Variants in TBC1D15 observed in about 807,000 individuals in gnomAD.
The protein encoded by TBC1D15 is GAP for RAB7.
Under a neutral mutation model 95.4 loss-of-function variants are expected in TBC1D15, and 39 were observed. The ratio of observed to expected loss-of-function variants is 0.41; its 90% CI spans 0.32 to 0.53. The LOEUF is 0.53. TBC1D15 is among the 20% of genes least tolerant of loss of function. The pLI is 0.29. For missense variants in TBC1D15, 733 were observed against 794.3 expected (o/e 0.92, Z 0.93); for synonymous variants, 258 against 261.3 (o/e 0.99, Z 0.12).
intron 10 of TBC1D15, among the ~76,000 whole-genome samples, chr12:71,901,811 C>G (rs1899453658): frequency 6.6e-6 from 1 of 152,248 alleles, no homozygotes; most frequent in East Asian, 1.9e-4. Context: ...CCTCTCTTCA[C>G]AGGCAATATG....
chr12:71,923,243 C>T lies in TBC1D15; in HGVS notation c.*39C>T. On this transcript the variant is annotated 3_prime_UTR_variant, in exon 17 of 17. Transcript: ENST00000485960. ...TTTTTTGGGAAGAGACACTTTGTTGCAACCCTTTTTCAAGTACTTGAAAGT... is the reference window on the plus strand; with the variant it reads ...TTTTTTGGGAAGAGACACTTTGTTGTAACCCTTTTTCAAGTACTTGAAAGT... 2.5e-6 allele frequency: 4 copies of T among 1,593,762 alleles called. No individual in the cohort carries two copies. The highest frequency in any genetic ancestry group is 1.7e-5 in the Admixed American group (1 of 59,640).
At chr12:71,861,486 G>A (rs753565674) in intron 1 of TBC1D15, 6 of 1,536,792 alleles carry the variant, frequency 3.9e-6, no homozygotes, top group Non-Finnish European at 5.3e-6. Context: ...TTGGAGTATG[G>A]TAGGAGTATG....
chr12:71,884,815 T>G lies in TBC1D15; in HGVS notation c.348T>G (p.Ala116=). The G allele has an allele frequency of 6.2e-7, 1 of 1,613,920 alleles. No individual in the cohort carries two copies. The highest frequency in any genetic ancestry group is 1.1e-5 in the South Asian group (1 of 91,060). ...FKRKPHTNGD[A]PSHRNGKSKW... ...CCCCACTTTCTTGTTTTTAAGATGC[T>G]CCAAGTCATAGAAATGGGAAAAGCA... is the stretch of plus-strand genomic sequence containing the variant. Residue 116 remains alanine, a synonymous_variant, in exon 5 of 17, where the codon GCT becomes GCG. Coordinates refer to ENST00000485960, the MANE Select transcript of TBC1D15 (RefSeq NM_001146213.3).
At chr12:71,899,373 G>A (rs139632751) in intron 10 of TBC1D15, among the ~76,000 whole-genome samples, 72 of 152,212 alleles carry the variant, frequency 4.7e-4, no homozygotes, top group African/African-American at 1.7e-3. Context: ...CATCTATCTC[G>A]TTAGTTTTAT....
chr12:71,842,830 C>CAAAAAAAAAAA (rs58842371), intron 1 of TBC1D15, among the ~76,000 whole-genome samples: 5 of 84,718 alleles, frequency 5.9e-5, no homozygotes, highest in East Asian at 3.0e-4. Flanking sequence ...GACCCTGTCT[C>CAAAAAAAAAAA]AAAAAAAAAA....
Position 71,896,744 on chromosome 12 carries a change from C to A in TBC1D15, c.1052C>A (p.Thr351Asn). ...FLLGYFPWDSTKEERTQLQKQ... is the reference protein window; with the variant it reads ...FLLGYFPWDSNKEERTQLQKQ... ...CTGGGTTATTTTCCCTGGGACAGTACCAAGGAGGAAAGAACCCAATTACAA... is the reference window on the plus strand; with the variant it reads ...CTGGGTTATTTTCCCTGGGACAGTAACAAGGAGGAAAGAACCCAATTACAA... The change falls in exon 9 of 17, where the codon ACC becomes AAC. Residue 351 changes from threonine (T) to asparagine (N), a missense_variant. Thr to Asn is a moderately conservative substitution (Grantham distance 65). Coordinates refer to ENST00000485960, the MANE Select transcript of TBC1D15 (RefSeq NM_001146213.3). 6.2e-7 allele frequency: 1 copy of A among 1,612,180 alleles called. No individual in the cohort carries two copies. The highest frequency in any genetic ancestry group is 1.7e-4 in the Middle Eastern group (1 of 6,046).
intron 1 of TBC1D15, chr12:71,861,494 A>G (rs1317492912): frequency 3.9e-6 from 6 of 1,534,706 alleles, no homozygotes; most frequent in South Asian, 2.5e-5. Flanking sequence ...TGGTAGGAGT[A>G]TGGTAGGTAG....
intron 1 of TBC1D15, among the ~76,000 whole-genome samples, chr12:71,862,871 C>T (rs1367401966): frequency 6.6e-6 from 1 of 151,922 alleles, no homozygotes; most frequent in Non-Finnish European, 1.5e-5. Context: ...TTTTTTCCTT[C>T]CAGATATAGG....
chr12:71,908,767 C>A (rs1901447640), intron 11 of TBC1D15, among the ~76,000 whole-genome samples: 1 of 152,100 alleles, frequency 6.6e-6, no homozygotes, highest in Non-Finnish European at 1.5e-5. Context: ...ATTTTTAATT[C>A]TCGTAGCAGC....
chr12:71,870,214 A>T (rs1892373115), intron 1 of TBC1D15, among the ~76,000 whole-genome samples: 1 of 152,136 alleles, frequency 6.6e-6, no homozygotes. Context: ...CTATTTGTGA[A>T]TATTTAGATG....
chr12:71,869,175 G>A (rs1039729431), intron 1 of TBC1D15, among the ~76,000 whole-genome samples: 1 of 151,994 alleles, frequency 6.6e-6, no homozygotes, highest in Admixed American at 6.6e-5. Flanking sequence ...AAGCAGATAC[G>A]GAAGGAAAAA....
chr12:71,850,050 C>A, intron 1 of TBC1D15: 1 of 520,448 alleles, frequency 1.9e-6, no homozygotes, highest in South Asian at 1.7e-5. Context: ...AAGAGAGTTC[C>A]CGGAACAGCC....
Position 71,897,923 on chromosome 12 carries a change from G to A in TBC1D15, c.1165G>A (p.Asp389Asn). 1 of 1,612,234 alleles carries A rather than the reference G, an allele frequency of 6.2e-7. No individual in the cohort carries two copies. Among genetic ancestry groups the A allele is most frequent in the Non-Finnish European group, 8.5e-7 (1 of 1,178,770 alleles). Reference sequence around the variant, plus strand: ...AGAGAAAAGAAATTCGAGGTTAAGAGATTATAGAAGTCTTATCGGTAATTT... The same window carrying A: ...AGAGAAAAGAAATTCGAGGTTAAGAAATTATAGAAGTCTTATCGGTAATTT... ...EQEKRNSRLR[D>N]YRSLIEKDVN... Residue 389 changes from aspartate to asparagine, a missense_variant, in exon 10 of 17, where the codon GAT (aspartate) becomes AAT (asparagine). Asp to Asn is a conservative substitution (Grantham distance 23). Transcript: ENST00000485960.
intron 1 of TBC1D15, among the ~76,000 whole-genome samples, chr12:71,842,481 A>G (rs1885258589): frequency 6.6e-6 from 1 of 152,144 alleles, no homozygotes; most frequent in Non-Finnish European, 1.5e-5. Context: ...TCTGCCCCTA[A>G]CATAGATTCT....
At chr12:71,892,374 A>G (rs1421911394) in intron 5 of TBC1D15, among the ~76,000 whole-genome samples, 1 of 152,084 alleles carries the variant, frequency 6.6e-6, no homozygotes, top group Non-Finnish European at 1.5e-5. Flanking sequence ...AAACATTTAT[A>G]ATAAACAGGA....
In TBC1D15 at chr12:71,881,773, C is replaced by T. The variant is rs1025720328; in HGVS notation, c.343+1166C>T. ...TCTACTAAAACACAAAAAAATTAGCCGGGCGTGGTGGCGCATGCCTGTAAG... is the reference window on the plus strand; with the variant it reads ...TCTACTAAAACACAAAAAAATTAGCTGGGCGTGGTGGCGCATGCCTGTAAG... On this transcript the variant is annotated intron_variant, in intron 4 of 16. Transcript: ENST00000485960. Among the ~76,000 whole-genome samples the T allele has an allele frequency of 4.0e-5, 6 of 151,880 alleles. No homozygotes were observed. The East Asian group carries it at 5.8e-4, about 15-fold the overall frequency.
intron 4 of TBC1D15, among the ~76,000 whole-genome samples, chr12:71,884,232 G>A (rs1273879014): frequency 6.6e-6 from 1 of 152,038 alleles, no homozygotes. Flanking sequence ...AATTACAAAA[G>A]GAAATGAAGG....
At chr12:71,853,605 G>A (rs557456289) in intron 1 of TBC1D15, among the ~76,000 whole-genome samples, 50 of 152,290 alleles carry the variant, frequency 3.3e-4, no homozygotes, top group African/African-American at 1.1e-3. Context: ...CTCTTAGCAT[G>A]CCTTAGTGGT....
At chr12:71,854,303 A>T (rs750374172) in intron 1 of TBC1D15, among the ~76,000 whole-genome samples, 1 of 152,116 alleles carries the variant, frequency 6.6e-6, no homozygotes, top group Non-Finnish European at 1.5e-5. Flanking sequence ...TGGGAGGTTA[A>T]ATCCAGCCTG....
Sources: gnomAD v4.1 joint callset for allele counts (sites outside exome capture counted in the v4.1 genomes callset) on GRCh38, gnomAD v4.1.1 for gene constraint, MANE v1.5 for transcripts, NCBI Gene and HGNC (gene_info 2026-07-23, HGNC 2026-07-21) for gene names.